The following COG4 variants were observed in gnomAD, a reference collection of about 807,000 sequenced individuals.
COG4 encodes conserved oligomeric Golgi complex subunit 4.
COG4 carries 65 observed loss-of-function variants against 95.1 expected under a neutral mutation model. The ratio of observed to expected loss-of-function variants is 0.68; its 90% CI spans 0.56 to 0.84. The LOEUF is 0.84. Among genes scored for constraint, COG4 ranks in the 40% least tolerant of loss-of-function variants. The pLI is 0.00. For synonymous variants in COG4, 421 were observed against 374.8 expected (o/e 1.12, Z -1.42); for missense variants, 1,045 against 989.1 (o/e 1.06, Z -0.76).
At chr16:70,521,699 A>ATT (rs566000095) in intron 1 of COG4, among the ~76,000 whole-genome samples, 36 of 133,852 alleles carry the variant, frequency 2.7e-4, no homozygotes, top group African/African-American at 3.3e-4. Flanking sequence ...AAGATACTAA[A>ATT]TTTTTTTTTT....
At chr16:70,489,776 G>A (rs1004649884) in intron 13 of COG4, among the ~76,000 whole-genome samples, 1 of 152,014 alleles carries the variant, frequency 6.6e-6, no homozygotes, top group African/African-American at 2.4e-5. Flanking sequence ...AGAGGGCTAA[G>A]GGACTTGTCC....
intron 2 of COG4, among the ~76,000 whole-genome samples, chr16:70,518,076 G>A (rs571131573): frequency 1.0e-3 from 154 of 152,124 alleles, no homozygotes; most frequent in Non-Finnish European, 1.8e-3. Flanking sequence ...GACTACAGGC[G>A]CGTGCCACCA....
At position 70,482,001 on chromosome 16, in the gene COG4, TC is replaced by T. The variant is rs2049007223; in HGVS notation, c.2004+90del. The T allele has an allele frequency of 2.9e-6, 4 of 1,360,940 alleles. No individual in the cohort carries two copies. The African/African-American group carries it at 5.7e-5, about 20-fold the overall frequency. The allele number at this position is 1,360,940 out of a possible 1,614,324, so 84.3% of individuals were successfully genotyped here. A position where few individuals can be genotyped will look rare whatever the true frequency, so the allele number is the denominator to read the frequency against. ...GTGAGGGTTGGAAGGGCTTTCAGGGTCCCCAGAAGGAATGTGATGAGACCCT... is the reference window on the plus strand; with the variant it reads ...GTGAGGGTTGGAAGGGCTTTCAGGGTCCCAGAAGGAATGTGATGAGACCCT... On this transcript the variant is annotated intron_variant, in intron 16 of 18. Coordinates refer to ENST00000323786, the MANE Select transcript of COG4 (RefSeq NM_015386.3).
At chr16:70,509,606 T>G (rs979066624) in intron 6 of COG4, among the ~76,000 whole-genome samples, 2 of 152,210 alleles carry the variant, frequency 1.3e-5, no homozygotes, top group South Asian at 4.1e-4. Flanking sequence ...GTAAGTTACA[T>G]TGATACTGTT....
At chr16:70,507,154 C>T (rs1281144784) in intron 8 of COG4, among the ~76,000 whole-genome samples, 1 of 152,082 alleles carries the variant, frequency 6.6e-6, no homozygotes, top group Non-Finnish European at 1.5e-5. Context: ...GGGAGGATTG[C>T]TTGAGCCCAG....
chr16:70,509,804 A>G, intron 6 of COG4, 112 bp downstream of exon 6: 1 of 797,842 alleles, frequency 1.3e-6, no homozygotes, highest in Non-Finnish European at 2.1e-6. Context: ...TTAATACACA[A>G]TAAACTACAT....
intron 12 of COG4, among the ~76,000 whole-genome samples, chr16:70,494,100 G>C (rs552142763): frequency 6.6e-6 from 1 of 152,284 alleles, no homozygotes; most frequent in Admixed American, 6.5e-5. Flanking sequence ...TCTGATTGTG[G>C]ACAGATAAGC....
At chr16:70,493,000 C>A (rs753698281) in intron 12 of COG4, among the ~76,000 whole-genome samples, 2 of 152,074 alleles carry the variant, frequency 1.3e-5, no homozygotes, top group Non-Finnish European at 2.9e-5. Context: ...ATTATTAAGG[C>A]ACTAATTGCT....
At chr16:70,520,180 A>C (rs1198030320) in intron 1 of COG4, among the ~76,000 whole-genome samples, 1 of 152,094 alleles carries the variant, frequency 6.6e-6, no homozygotes. Flanking sequence ...TTACGTCGGT[A>C]ATCCCAGCAC....
chr16:70,491,512 C>G (rs1460522985), intron 12 of COG4, among the ~76,000 whole-genome samples: 2 of 87,640 alleles, frequency 2.3e-5, no homozygotes, highest in African/African-American at 1.1e-4. Flanking sequence ...CAGAGCAAGA[C>G]TCTGTCTCAA....
At chr16:70,485,854 A>C (rs931989056) in intron 13 of COG4, among the ~76,000 whole-genome samples, 4 of 147,860 alleles carry the variant, frequency 2.7e-5, no homozygotes, top group Admixed American at 2.7e-4. Context: ...CAAAGTGCTG[A>C]GATTACAGGC....
intron 3 of COG4, 142 bp downstream of exon 3, chr16:70,517,484 A>G (rs2049845616): frequency 4.7e-6 from 3 of 631,722 alleles, no homozygotes; most frequent in Non-Finnish European, 8.3e-6. Flanking sequence ...GCTCCTCAGG[A>G]GGCTGAGGTG....
At chr16:70,481,538 T>G (rs1567719461) in intron 17 of COG4, 51 bp from the exon 18 acceptor site, 2 of 1,609,182 alleles carry the variant, frequency 1.2e-6, no homozygotes, top group Non-Finnish European at 1.7e-6. Context: ...CAAGCAGAAC[T>G]GGCCTCCAGT....
At chr16:70,517,202 T>C (rs1199318404) in intron 3 of COG4, among the ~76,000 whole-genome samples, 2 of 152,048 alleles carry the variant, frequency 1.3e-5, no homozygotes, top group Non-Finnish European at 2.9e-5. Context: ...CAAAGCCCCA[T>C]AGACATTTTG....
intron 1 of COG4, among the ~76,000 whole-genome samples, chr16:70,522,072 A>G (rs2049958064): frequency 6.9e-6 from 1 of 145,266 alleles, no homozygotes; most frequent in East Asian, 2.0e-4. Context: ...ATCTTGGTTC[A>G]CTGCAACCTC....
At chr16:70,496,493 G>C in intron 11 of COG4, 62 bp from the exon 12 acceptor site, 4 of 1,551,734 alleles carry the variant, frequency 2.6e-6, no homozygotes, top group Non-Finnish European at 3.6e-6. Context: ...GGACAGAAGG[G>C]CCAGTCTTCA....
In COG4 at chr16:70,509,339, A is replaced by C; in HGVS notation, c.894T>G (p.Tyr298Ter). Residue 298 changes from tyrosine to a stop codon, truncating the protein, a stop_gained, in exon 7 of 19, where the codon TAT becomes TAG. Transcript: ENST00000323786. LOFTEE classifies it high-confidence loss of function. ...ETHQPIVETYYGPGRLYTLIK... is the reference protein window; with the variant it reads ...ETHQPIVETY Reference sequence around the variant, plus strand: ...TCAGGGTATAGAGTCTCCCTGGCCCATAATAGGTCTCCACTATTGGCTGGT... The same window carrying C: ...TCAGGGTATAGAGTCTCCCTGGCCCCTAATAGGTCTCCACTATTGGCTGGT... The C allele has an allele frequency of 6.2e-7, 1 of 1,614,180 alleles. No homozygotes were observed.
intron 12 of COG4, among the ~76,000 whole-genome samples, chr16:70,492,702 C>T (rs566345357): frequency 1.3e-5 from 2 of 150,548 alleles, no homozygotes; most frequent in Admixed American, 6.6e-5. Flanking sequence ...GTGGCTCACA[C>T]CTGTAATCCC....
At chr16:70,508,819 A>G (rs1232624379) in intron 7 of COG4, 1 of 546,044 alleles carries the variant, frequency 1.8e-6, no homozygotes, top group South Asian at 1.5e-5. Context: ...AGGAAAAAAC[A>G]AAGTTCTGAA....
Sources: gnomAD v4.1 joint callset for allele counts (sites outside exome capture counted in the v4.1 genomes callset) on GRCh38, gnomAD v4.1.1 for gene constraint, MANE v1.5 for transcripts, NCBI Gene and HGNC (gene_info 2026-07-23, HGNC 2026-07-21) for gene names.